OLFM3: variants seen among roughly 807,000 people sequenced by gnomAD.
The protein encoded by OLFM3 is olfactomedin 3.
OLFM3 carries 20 observed loss-of-function variants against 48.6 expected under a neutral mutation model. That is an observed-to-expected ratio of 0.41 (90% CI 0.29 to 0.60). The LOEUF is 0.60. Ranked by LOEUF, OLFM3 falls within the 20% of genes least tolerant of loss-of-function variation. The pLI is 0.28. For missense variants in OLFM3, 437 were observed against 544.3 expected (o/e 0.80, Z 1.96); for synonymous variants, 222 against 198.1 (o/e 1.12, Z -1.01).
chr1:101,847,346 T>C (rs1171345261), intron 1 of OLFM3, among the ~76,000 whole-genome samples: 1 of 151,534 alleles, frequency 6.6e-6, no homozygotes, highest in Admixed American at 6.6e-5. Flanking sequence ...AATCAGCTAC[T>C]CTTTATCTTT....
chr1:101,922,672 T>G (rs1278012281), intron 1 of OLFM3, among the ~76,000 whole-genome samples: 1 of 152,188 alleles, frequency 6.6e-6, no homozygotes, highest in Non-Finnish European at 1.5e-5. Context: ...GAAGTAAGAA[T>G]GATTAAAATT....
At chr1:101,852,720 TAAAC>T (rs1656271986) in intron 1 of OLFM3, among the ~76,000 whole-genome samples, 1 of 152,006 alleles carries the variant, frequency 6.6e-6, no homozygotes, top group Admixed American at 6.6e-5. Context: ...ACCAAACAAA[TAAAC>T]AACAACAAAA....
chr1:101,899,168 C>T (rs1303102012), intron 1 of OLFM3, among the ~76,000 whole-genome samples: 2 of 152,124 alleles, frequency 1.3e-5, no homozygotes, highest in African/African-American at 4.8e-5. Flanking sequence ...TCTGAAGGTT[C>T]AAATTGGGGA....
Position 101,996,860 on chromosome 1 carries a change from C to T in OLFM3, c.-44G>A, listed in dbSNP as rs1222862654. The T allele has an allele frequency of 4.4e-6, 7 of 1,595,788 alleles. No individual in the cohort carries two copies. Among genetic ancestry groups the T allele is most frequent in the Non-Finnish European group, 5.2e-6 (6 of 1,164,502 alleles). ...CCCTCTTTACTCTCTTTTATGTAGGCTCTCCACTCACTGCAGAGACCTTTC... is the reference window on the plus strand; with the variant it reads ...CCCTCTTTACTCTCTTTTATGTAGGTTCTCCACTCACTGCAGAGACCTTTC... On this transcript the variant is annotated 5_prime_UTR_variant, in exon 1 of 6. Coordinates refer to ENST00000370103, the MANE Select transcript of OLFM3 (RefSeq NM_058170.4).
At chr1:101,910,174 A>T (rs1210244511) in intron 1 of OLFM3, 2 of 983,452 alleles carry the variant, frequency 2.0e-6, no homozygotes, top group African/African-American at 3.5e-5. Flanking sequence ...CATGTTAAAA[A>T]GCACATTCTC....
At chr1:101,805,128 C>T (rs1653703114) in intron 5 of OLFM3, among the ~76,000 whole-genome samples, 1 of 151,762 alleles carries the variant, frequency 6.6e-6, no homozygotes, top group South Asian at 2.1e-4. Context: ...AATTTACTAC[C>T]TTGACATTAA....
intron 1 of OLFM3, among the ~76,000 whole-genome samples, chr1:101,900,645 A>G (rs1658359456): frequency 6.6e-6 from 1 of 152,112 alleles, no homozygotes; most frequent in South Asian, 2.1e-4. Context: ...AGGAGCTGAT[A>G]AAGTAGAAAA....
intron 1 of OLFM3, among the ~76,000 whole-genome samples, chr1:101,883,465 A>G (rs1657617101): frequency 6.6e-6 from 1 of 151,810 alleles, no homozygotes; most frequent in African/African-American, 2.4e-5. Flanking sequence ...ACTGTGGTAT[A>G]AGCTCCCCAA....
At chr1:101,966,273 T>A (rs1044513572) in intron 1 of OLFM3, among the ~76,000 whole-genome samples, 1 of 151,940 alleles carries the variant, frequency 6.6e-6, no homozygotes, top group African/African-American at 2.4e-5. Context: ...CAAGGTATCC[T>A]TGTGTCTCAG....
At chr1:101,931,518 C>T (rs996974605) in intron 1 of OLFM3, among the ~76,000 whole-genome samples, 1 of 152,212 alleles carries the variant, frequency 6.6e-6, no homozygotes. Flanking sequence ...TTTGCCTCCA[C>T]TGTGGATGCA....
chr1:101,893,837 A>G (rs964254875), intron 1 of OLFM3: 4 of 153,178 alleles, frequency 2.6e-5, no homozygotes, highest in African/African-American at 7.2e-5. Context: ...CCCTTTTTTG[A>G]CAAACTCCTT....
chr1:101,838,624 A>G (rs779421992), intron 1 of OLFM3, among the ~76,000 whole-genome samples: 81 of 152,092 alleles, frequency 5.3e-4, no homozygotes, highest in Non-Finnish European at 6.0e-4. Flanking sequence ...ATATTCCATT[A>G]AAAAGTTCTT....
intron 1 of OLFM3, among the ~76,000 whole-genome samples, chr1:101,855,164 T>A (rs1264075763): frequency 6.6e-6 from 1 of 152,118 alleles, no homozygotes; most frequent in African/African-American, 2.4e-5. Flanking sequence ...GTATATAAAA[T>A]GTGCCTGTCC....
At chr1:101,846,119 T>C (rs1655980643) in intron 1 of OLFM3, among the ~76,000 whole-genome samples, 1 of 152,236 alleles carries the variant, frequency 6.6e-6, no homozygotes, top group Admixed American at 6.5e-5. Context: ...TGTTGCTCAC[T>C]GAACCTTGCT....
chr1:101,871,520 A>C (rs1023608705), intron 1 of OLFM3, among the ~76,000 whole-genome samples: 2 of 152,112 alleles, frequency 1.3e-5, no homozygotes, highest in African/African-American at 4.8e-5. Flanking sequence ...AGCAGTAAGA[A>C]TTGATAGCTT....
At chr1:101,853,098 T>C (rs1204480207) in intron 1 of OLFM3, among the ~76,000 whole-genome samples, 2 of 152,084 alleles carry the variant, frequency 1.3e-5, no homozygotes. Context: ...CCCATCTTTC[T>C]CATGGTGAAG....
chr1:101,908,011 T>C (rs17125714), intron 1 of OLFM3, among the ~76,000 whole-genome samples: 20,190 of 152,260 alleles, frequency 0.13, 1,445 homozygotes, highest in East Asian at 0.22. Flanking sequence ...TATTTGTGAA[T>C]CTATTTAGCA....
chr1:101,813,138 T>C (rs551272746), intron 4 of OLFM3: 1 of 1,272,918 alleles, frequency 7.9e-7, no homozygotes, highest in Non-Finnish European at 1.0e-6. Flanking sequence ...TTTCTCTTTT[T>C]TAAATCAACT....
In OLFM3 at chr1:101,876,586, A is replaced by T. The variant is rs539712852; in HGVS notation, c.70-39561T>A. 6.8e-4 allele frequency among the ~76,000 whole-genome samples: 103 copies of T among 152,172 alleles called. 1 individual carries two copies. The highest frequency in any genetic ancestry group is 2.5e-3 in the African/African-American group (102 of 41,552). ...TAGAATAAAAACAAATTTAAGCCTG[A>T]CCAAAATAAGAGATAAACAATAGAT... is the stretch of plus-strand genomic sequence containing the variant. On this transcript the variant is annotated intron_variant, in intron 1 of 5. Transcript: ENST00000370103.
Sources: gnomAD v4.1 joint callset for allele counts (sites outside exome capture counted in the v4.1 genomes callset) on GRCh38, gnomAD v4.1.1 for gene constraint, MANE v1.5 for transcripts, NCBI Gene and HGNC (gene_info 2026-07-23, HGNC 2026-07-21) for gene names.